HDAC9: variants seen among roughly 807,000 people sequenced by gnomAD.
HDAC9 encodes histone deacetylase 9, also known as MEF-2 interacting transcription repressor (MITR) protein.
In HDAC9, 41 loss-of-function variants were observed where a neutral mutation model predicts 139.4. The observed-to-expected ratio is 0.29, with a 90% CI of 0.23 to 0.38. The LOEUF (loss-of-function observed/expected upper bound fraction) is 0.38, where lower values mean the gene tolerates loss of function less well. HDAC9 is among the 10% of genes least tolerant of loss of function. The pLI, the probability that HDAC9 is intolerant of heterozygous loss-of-function variation, is 1.00. For synonymous variants in HDAC9, 517 were observed against 476.2 expected (o/e 1.09, Z -1.12); for missense variants, 1,147 against 1,297.0 (o/e 0.88, Z 1.78).
chr7:18,809,645 C>T (rs1014840319), intron 17 of HDAC9, among the ~76,000 whole-genome samples: 2 of 151,864 alleles, frequency 1.3e-5, no homozygotes, highest in Non-Finnish European at 2.9e-5. Flanking sequence ...CGCTAATTAT[C>T]AGGGAAATGT....
In HDAC9 at chr7:18,976,006, G is replaced by T. The variant is rs189670839; in HGVS notation, c.3170+53G>T. On this transcript the variant is annotated intron_variant, in intron 25 of 25. Coordinates refer to ENST00000686413, the MANE Select transcript of HDAC9 (RefSeq NM_178425.4). ...CGGGTCAGTCATATCCAGGCTCATC[G>T]TTGATATTTGTGAATCTTCCTCCTG... The T allele has an allele frequency of 1.9e-5, 29 of 1,554,256 alleles. No homozygotes were observed. The East Asian group carries it at 6.1e-4, about 33-fold the overall frequency.
chr7:18,975,737 T>C, intron 24 of HDAC9, 69 bp from the exon 25 acceptor site: 1 of 1,431,490 alleles, frequency 7.0e-7, no homozygotes, highest in Non-Finnish European at 9.8e-7. Flanking sequence ...GAGTTGGACG[T>C]ATGTGAGTAT....
chr7:18,462,113 T>TA (rs34414207), intron 1 of HDAC9, among the ~76,000 whole-genome samples: 31 of 151,368 alleles, frequency 2.0e-4, no homozygotes, highest in East Asian at 1.9e-4. Context: ...GTCTTAACAT[T>TA]AAAAAAAAAT....
chr7:18,542,550 T>TA (rs1380237324), intron 2 of HDAC9, among the ~76,000 whole-genome samples: 1 of 152,226 alleles, frequency 6.6e-6, no homozygotes, highest in Non-Finnish European at 1.5e-5. Flanking sequence ...TATGTGCAGA[T>TA]ACTTTTTTAA....
intron 1 of HDAC9, among the ~76,000 whole-genome samples, chr7:18,114,515 A>C (rs762721449): frequency 1.3e-5 from 2 of 152,162 alleles, no homozygotes; most frequent in Non-Finnish European, 2.9e-5. Context: ...CTACCTTTTT[A>C]GTCCTTACCT....
At chr7:18,760,042 C>T (rs1403868672) in intron 14 of HDAC9, among the ~76,000 whole-genome samples, 1 of 152,170 alleles carries the variant, frequency 6.6e-6, no homozygotes, top group Non-Finnish European at 1.5e-5. Flanking sequence ...TGATCATTAG[C>T]TGCAGAGCTG....
At chr7:18,113,386 G>A (rs965449782) in intron 1 of HDAC9, among the ~76,000 whole-genome samples, 6 of 152,082 alleles carry the variant, frequency 3.9e-5, no homozygotes, top group East Asian at 1.9e-4. Flanking sequence ...ATTTGAAGGC[G>A]CCTCATTGCA....
intron 21 of HDAC9, among the ~76,000 whole-genome samples, chr7:18,848,810 A>G (rs1797080320): frequency 6.6e-6 from 1 of 152,212 alleles, no homozygotes; most frequent in Admixed American, 6.5e-5. Context: ...ACTGGATACA[A>G]GAAATGTTAA....
At chr7:18,992,263 G>T (rs1226139342) in intron 25 of HDAC9, among the ~76,000 whole-genome samples, 6 of 152,124 alleles carry the variant, frequency 3.9e-5, no homozygotes, top group African/African-American at 1.4e-4. Flanking sequence ...GTCCATTATT[G>T]GGAGAATGAA....
chr7:18,539,673 G>A (rs999900619), intron 2 of HDAC9, among the ~76,000 whole-genome samples: 1 of 151,854 alleles, frequency 6.6e-6, no homozygotes, highest in Non-Finnish European at 1.5e-5. Flanking sequence ...AAAGTTTGTT[G>A]TTGTTGTTGT....
intron 22 of HDAC9, among the ~76,000 whole-genome samples, chr7:18,889,402 C>T (rs1042606952): frequency 6.6e-6 from 1 of 151,938 alleles, no homozygotes; most frequent in Non-Finnish European, 1.5e-5. Context: ...ATTGTCTAGG[C>T]TCCAGAAATA....
chr7:18,319,318 C>T (rs556620557), intron 1 of HDAC9, among the ~76,000 whole-genome samples: 1 of 152,186 alleles, frequency 6.6e-6, no homozygotes, highest in South Asian at 2.1e-4. Flanking sequence ...TGTGTTTATG[C>T]ATTTAAACAT....
intron 22 of HDAC9, among the ~76,000 whole-genome samples, chr7:18,899,928 A>C (rs183491840): frequency 1.1e-3 from 175 of 152,242 alleles, no homozygotes; most frequent in Admixed American, 9.4e-3. Context: ...GCATTTTCTG[A>C]AATAAAGTGT....
At chr7:18,694,450 TG>T (rs1273277972) in intron 12 of HDAC9, among the ~76,000 whole-genome samples, 1 of 152,118 alleles carries the variant, frequency 6.6e-6, no homozygotes, top group Non-Finnish European at 1.5e-5. Context: ...AATGGCTAAA[TG>T]GGGTTGGTGT....
intron 23 of HDAC9, among the ~76,000 whole-genome samples, chr7:18,953,065 A>C (rs1782911281): frequency 6.6e-6 from 1 of 152,044 alleles, no homozygotes; most frequent in African/African-American, 2.4e-5. Flanking sequence ...ATTCACTCAC[A>C]TATGTGGTGG....
chr7:18,514,998 G>A lies in HDAC9; in HGVS notation c.22+18674G>A, dbSNP rs79573251. Among the ~76,000 whole-genome samples the A allele has an allele frequency of 6.7e-3, 1,020 of 152,184 alleles. 9 individuals carry two copies. Among genetic ancestry groups the A allele is most frequent in the East Asian group, 0.029 (150 of 5,172 alleles). Reference sequence around the variant, plus strand: ...AAAAATAATTTTCTTCGTTAAACTAGTATTTTGGGATAAGTACTACATAGT... The same window carrying A: ...AAAAATAATTTTCTTCGTTAAACTAATATTTTGGGATAAGTACTACATAGT... On this transcript the variant is annotated intron_variant, in intron 2 of 25. Coordinates refer to ENST00000686413, the MANE Select transcript of HDAC9 (RefSeq NM_178425.4).
chr7:18,597,692 T>C (rs1227413899), intron 6 of HDAC9, among the ~76,000 whole-genome samples: 3 of 152,118 alleles, frequency 2.0e-5, no homozygotes, highest in African/African-American at 7.2e-5. Context: ...TTTCTAGAAG[T>C]TTTACCCTCC....
intron 1 of HDAC9, among the ~76,000 whole-genome samples, chr7:18,334,251 CT>C (rs1404299892): frequency 1.3e-5 from 2 of 151,230 alleles, no homozygotes; most frequent in Non-Finnish European, 3.0e-5. Context: ...ATTTTTATGA[CT>C]TTATAGGCAA....
intron 1 of HDAC9, among the ~76,000 whole-genome samples, chr7:18,291,926 G>A (rs535638602): frequency 6.6e-6 from 1 of 152,150 alleles, no homozygotes; most frequent in Admixed American, 6.6e-5. Context: ...GCTGCAGTTG[G>A]GTTTAGGCAA....
Sources: gnomAD v4.1 joint callset for allele counts (sites outside exome capture counted in the v4.1 genomes callset) on GRCh38, gnomAD v4.1.1 for gene constraint, MANE v1.5 for transcripts, NCBI Gene and HGNC (gene_info 2026-07-23, HGNC 2026-07-21) for gene names.